The following ZNF652 variants were observed in gnomAD, a reference collection of about 807,000 sequenced individuals.
The protein encoded by ZNF652 is zinc finger protein 652.
In ZNF652, 16 loss-of-function variants were observed where a neutral mutation model predicts 45.2. The ratio of observed to expected loss-of-function variants is 0.35; its 90% CI spans 0.24 to 0.54. The LOEUF (loss-of-function observed/expected upper bound fraction) is 0.54. Among genes scored for constraint, ZNF652 ranks in the 20% least tolerant of loss-of-function variants. The pLI, the probability that ZNF652 is intolerant of heterozygous loss-of-function variation, is 0.91. For missense variants in ZNF652, 614 were observed against 765.6 expected (o/e 0.80, Z 2.34); for synonymous variants, 250 against 260.6 (o/e 0.96, Z 0.39).
chr17:49,300,649 T>C (rs1416054681), intron 5 of ZNF652, among the ~76,000 whole-genome samples: 1 of 152,212 alleles, frequency 6.6e-6, no homozygotes, highest in Non-Finnish European at 1.5e-5. Context: ...GATCAATTCC[T>C]GCATCAGTCC....
intron 1 of ZNF652, among the ~76,000 whole-genome samples, chr17:49,336,024 A>AC (rs1478530417): frequency 6.8e-6 from 1 of 147,660 alleles, no homozygotes; most frequent in Non-Finnish European, 1.5e-5. Context: ...TGTTACCTTT[A>AC]CTTTTTTTTT....
chr17:49,288,296 T>C (rs1021891853), downstream of ZNF652: 1 of 152,172 alleles, frequency 6.6e-6, no homozygotes, highest in Non-Finnish European at 1.5e-5. Flanking sequence ...AGAAACTGTG[T>C]TAACATCTAC....
At chr17:49,330,437 T>C (rs2070010539) in intron 1 of ZNF652, among the ~76,000 whole-genome samples, 1 of 144,108 alleles carries the variant, frequency 6.9e-6, no homozygotes, top group African/African-American at 2.6e-5. Flanking sequence ...GGACTACAGG[T>C]GCACACCACA....
Position 49,292,481 on chromosome 17 carries a change from TGA to T in ZNF652, c.*5930_*5931del, listed in dbSNP as rs1669231769. Among the ~76,000 whole-genome samples the T allele has an allele frequency of 6.6e-6, 1 of 152,120 alleles. No homozygotes were observed. Among genetic ancestry groups the T allele is most frequent in the African/African-American group, 2.4e-5 (1 of 41,412 alleles). On this transcript the variant is annotated 3_prime_UTR_variant, in exon 6 of 6. Transcript: ENST00000430262. Reference sequence around the variant, plus strand: ...CAGAAGTTTTTGAGGGACAGGGCCATGAGAGAGCAGAAACCCAGGGAGCAATT... The same window carrying T: ...CAGAAGTTTTTGAGGGACAGGGCCATGAGAGCAGAAACCCAGGGAGCAATT...
At chr17:49,332,200 T>C (rs1737213873) in intron 1 of ZNF652, among the ~76,000 whole-genome samples, 1 of 146,814 alleles carries the variant, frequency 6.8e-6, no homozygotes, top group African/African-American at 2.5e-5. Flanking sequence ...CACAGCAGAC[T>C]GAGGTTGCAG....
At chr17:49,344,955 C>T (rs35822701) in intron 1 of ZNF652, among the ~76,000 whole-genome samples, 101,048 of 152,026 alleles carry the variant, frequency 0.66, 33,834 homozygotes, top group Non-Finnish European at 0.7. Flanking sequence ...ACCTAATCCC[C>T]CCTCAAAAAA....
intron 1 of ZNF652, among the ~76,000 whole-genome samples, chr17:49,345,888 T>C (rs1291455059): frequency 1.3e-5 from 2 of 149,810 alleles, no homozygotes; most frequent in South Asian, 4.2e-4. Context: ...TCAGATTCAA[T>C]GCCTAAGATC....
intron 1 of ZNF652, among the ~76,000 whole-genome samples, chr17:49,350,101 T>C (rs1477690589): frequency 6.6e-6 from 1 of 152,208 alleles, no homozygotes; most frequent in African/African-American, 2.4e-5. Context: ...TAGTTAATAG[T>C]AATATACCAA....
chr17:49,351,399 T>C (rs1312577675), intron 1 of ZNF652, among the ~76,000 whole-genome samples: 1 of 151,982 alleles, frequency 6.6e-6, no homozygotes, highest in Non-Finnish European at 1.5e-5. Flanking sequence ...ACAAGAACAT[T>C]CATTATAGCA....
intron 1 of ZNF652, among the ~76,000 whole-genome samples, chr17:49,353,289 C>G (rs903978285): frequency 2.0e-5 from 3 of 152,018 alleles, no homozygotes; most frequent in Non-Finnish European, 4.4e-5. Context: ...TCAGGTGATC[C>G]TCCCATCTCA....
In ZNF652 at chr17:49,312,786, G is replaced by A; in HGVS notation, c.960C>T (p.Ile320=). The change falls in exon 3 of 6, where the codon ATC becomes ATT. Residue 320 remains isoleucine (I), a synonymous_variant. Coordinates refer to ENST00000430262, the MANE Select transcript of ZNF652 (RefSeq NM_001145365.3). ...ATTTCTTTTCTGCATATCCATGGACGATCTTGATATGTTCATGAAGGGACC... is the reference window on the plus strand; with the variant it reads ...ATTTCTTTTCTGCATATCCATGGACAATCTTGATATGTTCATGAAGGGACC... ...KLWSLHEHIK[I]VHGYAEKKFS... 7 of 1,613,940 alleles carry A rather than the reference G, an allele frequency of 4.3e-6. No individual in the cohort carries two copies. The highest frequency in any genetic ancestry group is 1.7e-4 in the Middle Eastern group (1 of 6,060).
chr17:49,351,012 T>TACATAC (rs1567700249), intron 1 of ZNF652, among the ~76,000 whole-genome samples: 1 of 20,306 alleles, frequency 4.9e-5, no homozygotes, highest in Non-Finnish European at 1.0e-4. Flanking sequence ...TATATATATA[T>TACATAC]ATACACACAC....
chr17:49,288,583 A>G (rs1207574539), downstream of ZNF652: 1 of 152,194 alleles, frequency 6.6e-6, no homozygotes, highest in Admixed American at 6.5e-5. Flanking sequence ...GACATTATAT[A>G]AGATCATCAT....
At chr17:49,302,625 T>C (rs2069569787) in intron 5 of ZNF652, among the ~76,000 whole-genome samples, 1 of 151,904 alleles carries the variant, frequency 6.6e-6, no homozygotes, top group Admixed American at 6.6e-5. Context: ...GTATAATCTA[T>C]TAAGTTTATC....
chr17:49,319,668 G>T (rs899855181), intron 1 of ZNF652, among the ~76,000 whole-genome samples: 1 of 148,470 alleles, frequency 6.7e-6, no homozygotes, highest in African/African-American at 2.5e-5. Context: ...AAAAGACAGG[G>T]TCTCACTCCA....
intron 1 of ZNF652, among the ~76,000 whole-genome samples, chr17:49,330,932 C>T (rs570616652): frequency 1.3e-5 from 2 of 151,316 alleles, no homozygotes; most frequent in East Asian, 4.1e-4. Flanking sequence ...ACAAAATTAG[C>T]TGGGCGTGGT....
At chr17:49,298,984 C>G in intron 5 of ZNF652, 60 bp from the exon 6 acceptor site, 2 of 1,203,512 alleles carry the variant, frequency 1.7e-6, no homozygotes, top group Non-Finnish European at 2.2e-6. Flanking sequence ...TGTGCTCAAG[C>G]TTTTTTTTTT....
At chr17:49,357,013 A>G (rs1022826210) in intron 1 of ZNF652, among the ~76,000 whole-genome samples, 2 of 151,836 alleles carry the variant, frequency 1.3e-5, no homozygotes, top group African/African-American at 2.4e-5. Flanking sequence ...AAAAAAAAAA[A>G]AGAGGCTGGG....
intron 1 of ZNF652, among the ~76,000 whole-genome samples, chr17:49,348,544 AC>A (rs2070236353): frequency 8.7e-6 from 1 of 115,590 alleles, no homozygotes; most frequent in African/African-American, 3.5e-5. Context: ...GAAAAGAAAA[AC>A]CCCCGCAAGG....
Sources: allele counts gnomAD v4.1 joint callset (sites outside exome capture counted in the v4.1 genomes callset), GRCh38; gene constraint gnomAD v4.1.1; transcripts MANE v1.5; gene names NCBI Gene and HGNC (gene_info 2026-07-23, HGNC 2026-07-21).